Variants in CNTN3 observed in about 807,000 individuals in gnomAD.
The protein encoded by CNTN3 is contactin-3.
Under a neutral mutation model 119.1 loss-of-function variants are expected in CNTN3, and 60 were observed. The observed-to-expected ratio is 0.50, with a 90% CI of 0.41 to 0.62. The LOEUF (loss-of-function observed/expected upper bound fraction) is 0.62. Among genes scored for constraint, CNTN3 ranks in the 20% least tolerant of loss-of-function variants. The pLI is 0.00. For synonymous variants in CNTN3, 450 were observed against 438.7 expected, an observed-to-expected ratio of 1.03 and a Z score of -0.32; for missense variants, 1,101 against 1,242.4, an observed-to-expected ratio of 0.89 and a Z score of 1.71.
intron 11 of CNTN3, among the ~76,000 whole-genome samples, chr3:74,345,518 G>A (rs1703668125): frequency 6.6e-6 from 1 of 152,202 alleles, no homozygotes; most frequent in East Asian, 1.9e-4. Flanking sequence ...TGGTAAGTTA[G>A]CTAAAAGAAA....
chr3:74,555,574 T>C (rs1450622723), intron 1 of CNTN3, among the ~76,000 whole-genome samples: 1 of 152,150 alleles, frequency 6.6e-6, no homozygotes, highest in Non-Finnish European at 1.5e-5. Context: ...CTATTAATTA[T>C]TGCCTCAATT....
intron 19 of CNTN3, among the ~76,000 whole-genome samples, chr3:74,292,374 G>A (rs1307384568): frequency 6.6e-6 from 1 of 152,130 alleles, no homozygotes; most frequent in Non-Finnish European, 1.5e-5. Flanking sequence ...AGACTAGCCT[G>A]ACCAACATGG....
intron 4 of CNTN3, among the ~76,000 whole-genome samples, chr3:74,480,680 C>CA (rs1161963497): frequency 8.8e-6 from 1 of 113,260 alleles, no homozygotes; most frequent in Non-Finnish European, 2.0e-5. Context: ...TACATGCTCA[C>CA]ACTATTTCTG....
chr3:74,298,108 C>T lies in CNTN3; in HGVS notation c.2250G>A (p.Gln750=), dbSNP rs1288018318. 1 of 1,613,828 alleles carries T rather than the reference C, an allele frequency of 6.2e-7. No homozygotes were observed. Among genetic ancestry groups the T allele is most frequent in the Admixed American group, 1.7e-5 (1 of 59,994 alleles). The part of the protein sequence containing the change: ...FRPLGVTTWI[Q]TVVTSPDTPR... ...GGGTGTCAGGGGATGTCACCACTGT[C>T]TGGATCCAGGTGGTAACCCCAAGAG... The change falls in exon 18 of 23, where the codon CAG becomes CAA. Residue 750 remains glutamine, a synonymous_variant. Transcript: ENST00000263665.
intron 1 of CNTN3, among the ~76,000 whole-genome samples, chr3:74,598,774 ATTAG>A (rs1457268238): frequency 1.3e-5 from 2 of 152,182 alleles, no homozygotes; most frequent in East Asian, 1.9e-4. Flanking sequence ...CTTAAATATG[ATTAG>A]TTAGTCATCA....
intron 1 of CNTN3, among the ~76,000 whole-genome samples, chr3:74,586,683 C>T (rs1460463884): frequency 1.3e-5 from 2 of 151,962 alleles, no homozygotes; most frequent in African/African-American, 4.8e-5. Flanking sequence ...TCAGTGAATT[C>T]ATATTCATAA....
At chr3:74,590,132 T>TA (rs1704675685) in intron 1 of CNTN3, among the ~76,000 whole-genome samples, 1 of 151,512 alleles carries the variant, frequency 6.6e-6, no homozygotes, top group South Asian at 2.1e-4. Flanking sequence ...ATAATAATAA[T>TA]AAAAAATAAA....
At chr3:74,369,423 A>G (rs1704280010) in intron 7 of CNTN3, 50 bp from the exon 8 acceptor site, 1 of 1,426,868 alleles carries the variant, frequency 7.0e-7, no homozygotes, top group South Asian at 1.5e-5. Flanking sequence ...AGCCTTTTCA[A>G]CTTGAGAAAA....
At chr3:74,287,984 C>T (rs1357707151) in intron 19 of CNTN3, among the ~76,000 whole-genome samples, 1 of 152,060 alleles carries the variant, frequency 6.6e-6, no homozygotes, top group Middle Eastern at 3.2e-3. Context: ...TTTCAGTATG[C>T]CTCAATTGTC....
At chr3:74,326,774 T>G (rs906883072) in intron 13 of CNTN3, among the ~76,000 whole-genome samples, 1 of 152,182 alleles carries the variant, frequency 6.6e-6, no homozygotes, top group Non-Finnish European at 1.5e-5. Flanking sequence ...AATGTTTGTT[T>G]CCTTATTTTC....
At chr3:74,474,282 CACA>C (rs1379662371) in intron 4 of CNTN3, among the ~76,000 whole-genome samples, 2 of 152,046 alleles carry the variant, frequency 1.3e-5, no homozygotes, top group African/African-American at 4.8e-5. Context: ...ATCTGAACAA[CACA>C]ACAAATGTGC....
intron 4 of CNTN3, among the ~76,000 whole-genome samples, chr3:74,436,149 G>A (rs1165422435): frequency 6.6e-6 from 1 of 152,220 alleles, no homozygotes; most frequent in African/African-American, 2.4e-5. Flanking sequence ...GTCACTTAGA[G>A]TATTTCTGAT....
At chr3:74,268,695 G>C (rs1459073360) in intron 20 of CNTN3, among the ~76,000 whole-genome samples, 1 of 152,128 alleles carries the variant, frequency 6.6e-6, no homozygotes, top group Admixed American at 6.6e-5. Flanking sequence ...TATAGCAGCT[G>C]CTTAGGGTTG....
intron 1 of CNTN3, among the ~76,000 whole-genome samples, chr3:74,546,064 C>T (rs961566757): frequency 2.0e-5 from 3 of 151,954 alleles, no homozygotes; most frequent in African/African-American, 7.3e-5. Flanking sequence ...GGCGCGATCT[C>T]GGCTCACTGC....
intron 8 of CNTN3, among the ~76,000 whole-genome samples, chr3:74,366,434 C>T (rs1252700638): frequency 6.6e-6 from 1 of 151,946 alleles, no homozygotes; most frequent in African/African-American, 2.4e-5. Context: ...AAGCATCGTA[C>T]CACTTACAAT....
At position 74,483,094 on chromosome 3, in the gene CNTN3, G is replaced by GA. The variant is rs1261332221; in HGVS notation, c.358+3361dup. Among the ~76,000 whole-genome samples, 3 of 151,760 alleles carry GA rather than the reference G, an allele frequency of 2.0e-5. No homozygotes were observed. The East Asian group carries it at 5.8e-4, about 29-fold the overall frequency. On this transcript the variant is annotated intron_variant, in intron 4 of 22. Transcript: ENST00000263665. Reference sequence around the variant, plus strand: ...TTGTAACTTCCAAATAAAACACTTAGAAAAACACCAAAAATGCAGAACAAA... The same window carrying GA: ...TTGTAACTTCCAAATAAAACACTTAGAAAAAACACCAAAAATGCAGAACAAA...
chr3:74,266,935 G>C (rs1207608706), intron 21 of CNTN3, among the ~76,000 whole-genome samples: 2 of 152,010 alleles, frequency 1.3e-5, no homozygotes, highest in African/African-American at 2.4e-5. Flanking sequence ...CATAGTGTAT[G>C]GACCTTGAAT....
At chr3:74,554,108 A>AG (rs1165556359) in intron 1 of CNTN3, among the ~76,000 whole-genome samples, 4 of 152,184 alleles carry the variant, frequency 2.6e-5, no homozygotes, top group Admixed American at 1.3e-4. Flanking sequence ...GGTGTAAGGA[A>AG]GGGGTCCCTT....
chr3:74,419,140 T>C (rs577749126), intron 5 of CNTN3, among the ~76,000 whole-genome samples: 1 of 152,252 alleles, frequency 6.6e-6, no homozygotes, highest in Admixed American at 6.5e-5. Flanking sequence ...AGTAGCAAAG[T>C]GTTGTTCAAG....
Sources: gnomAD v4.1 joint callset for allele counts (sites outside exome capture counted in the v4.1 genomes callset) on GRCh38, gnomAD v4.1.1 for gene constraint, MANE v1.5 for transcripts, NCBI Gene and HGNC (gene_info 2026-07-23, HGNC 2026-07-21) for gene names.